Variants in LRRC37A2 observed in about 807,000 individuals in gnomAD.
LRRC37A2 encodes the protein leucine-rich repeat-containing protein 37A2.
Under a neutral mutation model 68.8 loss-of-function variants are expected in LRRC37A2, and 9 were observed. The observed-to-expected ratio is 0.13, with a 90% confidence interval of 0.08 to 0.23. The LOEUF (loss-of-function observed/expected upper bound fraction) is 0.23, where lower values mean the gene tolerates loss of function less well. Among genes scored for constraint, LRRC37A2 ranks in the 10% least tolerant of loss-of-function variants. The probability of loss-of-function intolerance (pLI) is 1.00; values close to 1 mark genes in which losing one functional copy is unlikely to be tolerated. For missense variants in LRRC37A2, 168 were observed against 950.4 expected (o/e 0.18, Z 10.82); for synonymous variants, 63 against 367.6 (o/e 0.17, Z 9.48).
the LRRC37A2 span, among the ~76,000 whole-genome samples, chr17:46,856,391 A>G: frequency 6.6e-6 from 1 of 152,190 alleles, no homozygotes; most frequent in Non-Finnish European, 1.5e-5. Context: ...CAGGTGGTGG[A>G]AGTGTCATTA....
the LRRC37A2 span, among the ~76,000 whole-genome samples, chr17:46,985,568 G>A: frequency 1.3e-5 from 2 of 151,914 alleles, no homozygotes; most frequent in South Asian, 4.2e-4. Context: ...CAGGTTGGGT[G>A]TCTATGCAGT....
At chr17:46,767,772 T>TG in the LRRC37A2 span, among the ~76,000 whole-genome samples, 1 of 151,690 alleles carries the variant, frequency 6.6e-6, no homozygotes, top group African/African-American at 2.4e-5. Flanking sequence ...CACTGAATTT[T>TG]GTTTTTTTTT....
chr17:46,829,772 G>A, the LRRC37A2 span, among the ~76,000 whole-genome samples: 1 of 151,900 alleles, frequency 6.6e-6, no homozygotes, highest in Non-Finnish European at 1.5e-5. Flanking sequence ...GGGAGTAGGG[G>A]GTGGGGGCAA....
chr17:46,797,950 G>A, the LRRC37A2 span, among the ~76,000 whole-genome samples: 1 of 152,006 alleles, frequency 6.6e-6, no homozygotes, highest in East Asian at 1.9e-4. Flanking sequence ...TTGGTTTTTT[G>A]TTTTTTTGAG....
chr17:46,760,633 CA>C, the LRRC37A2 span, among the ~76,000 whole-genome samples: 307 of 61,256 alleles, frequency 5.0e-3, no homozygotes, highest in Middle Eastern at 9.4e-3. Flanking sequence ...GACCCTATCT[CA>C]AAAAAAAAAA....
intron 11 of LRRC37A2, among the ~76,000 whole-genome samples, chr17:46,550,972 A>T (rs1366303399): frequency 3.3e-5 from 5 of 149,696 alleles, no homozygotes; most frequent in Admixed American, 6.6e-5. Context: ...AGATTTACAC[A>T]GTATCGTCCT....
chr17:46,993,322 T>A, the LRRC37A2 span, among the ~76,000 whole-genome samples: 4,139 of 152,288 alleles, frequency 0.027, 152 homozygotes, highest in African/African-American at 0.089. Flanking sequence ...AGGTTTTCCT[T>A]GGTGAGGAAG....
chr17:47,016,195 C>A, the LRRC37A2 span, among the ~76,000 whole-genome samples: 3 of 151,984 alleles, frequency 2.0e-5, no homozygotes, highest in Admixed American at 2.0e-4. Flanking sequence ...CCCCCCACCT[C>A]GGCCTCCCAA....
chr17:46,974,982 ATTTTCTTTTT>A, the LRRC37A2 span, among the ~76,000 whole-genome samples: 3 of 69,812 alleles, frequency 4.3e-5, no homozygotes, highest in East Asian at 5.0e-4. Flanking sequence ...ATGAATTACT[ATTTTCTTTTT>A]TTTTTTTTTT....
At chr17:46,855,143 G>A in the LRRC37A2 span, among the ~76,000 whole-genome samples, 4 of 152,310 alleles carry the variant, frequency 2.6e-5, no homozygotes, top group East Asian at 5.8e-4. Context: ...TCCAGTCTGG[G>A]CCCTTCAACC....
chr17:47,037,016 G>A, the LRRC37A2 span, among the ~76,000 whole-genome samples: 14 of 130,088 alleles, frequency 1.1e-4, no homozygotes, highest in Non-Finnish European at 2.0e-4. Flanking sequence ...TTAGCAGGGC[G>A]CAGTGGCTCA....
At chr17:46,908,828 C>A in the LRRC37A2 span, among the ~76,000 whole-genome samples, 1 of 152,164 alleles carries the variant, frequency 6.6e-6, no homozygotes, top group Admixed American at 6.5e-5. Context: ...CCTCATACCC[C>A]ACTCTGAGAT....
the LRRC37A2 span, among the ~76,000 whole-genome samples, chr17:46,883,139 C>A: frequency 5.9e-5 from 9 of 151,980 alleles, no homozygotes; most frequent in South Asian, 1.9e-3. Flanking sequence ...CCACCACGCC[C>A]GGCTAATTTT....
chr17:46,870,415 G>A, the LRRC37A2 span, among the ~76,000 whole-genome samples: 1 of 152,196 alleles, frequency 6.6e-6, no homozygotes, highest in Non-Finnish European at 1.5e-5. Flanking sequence ...GCAGGGAGGG[G>A]TTTGGGTGTA....
the LRRC37A2 span, among the ~76,000 whole-genome samples, chr17:46,841,905 G>C: frequency 1.3e-5 from 2 of 152,236 alleles, no homozygotes; most frequent in Admixed American, 1.3e-4. Flanking sequence ...GTGTGGGGGG[G>C]TCTCTGGTCC....
chr17:47,028,665 T>C, the LRRC37A2 span, among the ~76,000 whole-genome samples: 9 of 151,950 alleles, frequency 5.9e-5, no homozygotes, highest in African/African-American at 1.7e-4. Flanking sequence ...TCCCAGAACT[T>C]TGGGAGCCGA....
At chr17:46,799,046 CAAAAAA>C in the LRRC37A2 span, among the ~76,000 whole-genome samples, 2 of 93,282 alleles carry the variant, frequency 2.1e-5, no homozygotes, top group African/African-American at 8.1e-5. Context: ...GACTCCGTCT[CAAAAAA>C]AAAAAAAAAA....
At chr17:47,023,877 G>A in the LRRC37A2 span, among the ~76,000 whole-genome samples, 1 of 151,992 alleles carries the variant, frequency 6.6e-6, no homozygotes, top group Admixed American at 6.6e-5. Flanking sequence ...TTACAGGCAT[G>A]AGCCACCACG....
At chr17:46,984,554 G>A in the LRRC37A2 span, among the ~76,000 whole-genome samples, 1 of 152,170 alleles carries the variant, frequency 6.6e-6, no homozygotes, top group Admixed American at 6.5e-5. Context: ...GGGCAGTCCG[G>A]CTGCCCCAGG....
Sources: allele counts gnomAD v4.1 joint callset (sites outside exome capture counted in the v4.1 genomes callset), GRCh38; gene constraint gnomAD v4.1.1; transcripts MANE v1.5; gene names NCBI Gene and HGNC (gene_info 2026-07-23, HGNC 2026-07-21).